SSBP2: variants seen among roughly 807,000 people sequenced by gnomAD.
SSBP2 encodes the protein single-stranded DNA-binding protein 2.
Under a neutral mutation model 61.8 loss-of-function variants are expected in SSBP2, and 17 were observed. The ratio of observed to expected loss-of-function variants is 0.28; its 90% confidence interval spans 0.19 to 0.41. SSBP2 has a LOEUF of 0.41. SSBP2 is among the 10% of genes least tolerant of loss of function. The pLI is 1.00. For synonymous variants in SSBP2, 139 were observed against 141.3 expected (o/e 0.98, Z 0.12); for missense variants, 310 against 458.7 (o/e 0.68, Z 2.96).
intron 4 of SSBP2, among the ~76,000 whole-genome samples, chr5:81,594,859 T>A (rs1743542456): frequency 6.6e-6 from 1 of 152,106 alleles, no homozygotes; most frequent in South Asian, 2.1e-4. Context: ...AGAGGGAAAT[T>A]TATAGCACTA....
At chr5:81,625,759 G>A (rs754604508) in intron 3 of SSBP2, among the ~76,000 whole-genome samples, 18 of 152,178 alleles carry the variant, frequency 1.2e-4, no homozygotes, top group Non-Finnish European at 2.9e-5. Flanking sequence ...AGGGAACACA[G>A]AAAGCAAAAT....
At chr5:81,481,149 CA>C (rs1765955779) in intron 6 of SSBP2, among the ~76,000 whole-genome samples, 2 of 152,292 alleles carry the variant, frequency 1.3e-5, no homozygotes, top group Admixed American at 6.5e-5. Context: ...GGGTCTGAAT[CA>C]GCTTCTTCCA....
intron 1 of SSBP2, among the ~76,000 whole-genome samples, chr5:81,735,600 T>G (rs1278571718): frequency 6.6e-6 from 1 of 152,234 alleles, no homozygotes; most frequent in African/African-American, 2.4e-5. Flanking sequence ...GATCAGTGAA[T>G]ATGCAACCAT....
intron 4 of SSBP2, among the ~76,000 whole-genome samples, chr5:81,599,275 A>C (rs924225420): frequency 1.3e-5 from 2 of 152,216 alleles, no homozygotes; most frequent in African/African-American, 4.8e-5. Context: ...GTCAATGGTG[A>C]ATCCAATTAT....
intron 16 of SSBP2, among the ~76,000 whole-genome samples, chr5:81,425,723 TA>T (rs921324797): frequency 3.0e-4 from 44 of 144,856 alleles, no homozygotes; most frequent in Admixed American, 4.1e-4. Flanking sequence ...GTTGTGATCT[TA>T]AAAAAAAAAA....
chr5:81,565,536 C>A (rs1773355775), intron 4 of SSBP2, among the ~76,000 whole-genome samples: 2 of 152,142 alleles, frequency 1.3e-5, no homozygotes, highest in African/African-American at 4.8e-5. Flanking sequence ...TTTCCCTATA[C>A]TATAGTAATA....
At position 81,746,262 on chromosome 5, in the gene SSBP2, G is replaced by A. The variant is rs568018664; in HGVS notation, c.62+4719C>T. Among the ~76,000 whole-genome samples the A allele has an allele frequency of 6.6e-5, 10 of 152,106 alleles. No homozygotes were observed. The South Asian group carries it at 2.1e-3, about 32-fold the overall frequency. ...AATAACAGAAAAAGATCAATCAAAA[G>A]CTAACATGACATTTCGGATACAAGT... On this transcript the variant is annotated intron_variant, in intron 1 of 16. Transcript: ENST00000320672.
chr5:81,679,064 C>CAAAG (rs987726739), intron 1 of SSBP2, among the ~76,000 whole-genome samples: 1 of 152,188 alleles, frequency 6.6e-6, no homozygotes, highest in Non-Finnish European at 1.5e-5. Flanking sequence ...GGCTGAAGTG[C>CAAAG]AAAGGCACAA....
Position 81,707,893 on chromosome 5 carries a change from T to C in SSBP2, c.62+43088A>G, listed in dbSNP as rs138110072. ...CAAAATATTAAGCAAATAGGAGATGTTATCACCAAAGATTTGCAATTTACT... is the reference window on the plus strand; with the variant it reads ...CAAAATATTAAGCAAATAGGAGATGCTATCACCAAAGATTTGCAATTTACT... On this transcript the variant is annotated intron_variant, in intron 1 of 16. Transcript: ENST00000320672. Among the ~76,000 whole-genome samples, 915 of 152,234 alleles carry C rather than the reference T, an allele frequency of 6.0e-3. 8 individuals carry two copies. The highest frequency in any genetic ancestry group is 0.027 in the South Asian group (132 of 4,828).
At chr5:81,633,818 T>G (rs1015965675) in intron 3 of SSBP2, among the ~76,000 whole-genome samples, 2 of 152,226 alleles carry the variant, frequency 1.3e-5, no homozygotes, top group African/African-American at 4.8e-5. Flanking sequence ...CAAGCTTATA[T>G]CCCTCAAATC....
chr5:81,724,784 C>T (rs1279988951), intron 1 of SSBP2, among the ~76,000 whole-genome samples: 2 of 152,038 alleles, frequency 1.3e-5, no homozygotes, highest in South Asian at 2.1e-4. Flanking sequence ...CATGTTGTGA[C>T]GTGATGATTT....
At chr5:81,615,675 ATATC>A (rs33951527) in intron 3 of SSBP2, 118 bp from the exon 4 acceptor site, 23,553 of 659,036 alleles carry the variant, frequency 0.036, 810 homozygotes, top group East Asian at 0.11. Context: ...TTCAGAACAG[ATATC>A]TATCTGAAAG....
chr5:81,510,333 A>G (rs1768498672), intron 5 of SSBP2, among the ~76,000 whole-genome samples: 1 of 152,242 alleles, frequency 6.6e-6, no homozygotes, highest in South Asian at 2.1e-4. Context: ...TGCCCAGATT[A>G]GAGCCAGAAA....
chr5:81,472,190 T>G (rs1044564277), intron 8 of SSBP2, among the ~76,000 whole-genome samples: 6 of 152,178 alleles, frequency 3.9e-5, no homozygotes, highest in African/African-American at 1.2e-4. Flanking sequence ...AGGTAGAAAT[T>G]TAAAATTCTG....
chr5:81,632,827 A>G (rs1322455628), intron 3 of SSBP2, among the ~76,000 whole-genome samples: 4 of 152,160 alleles, frequency 2.6e-5, no homozygotes, highest in Non-Finnish European at 5.9e-5. Context: ...TAGATGAACC[A>G]TTTTAAAGAG....
chr5:81,486,497 C>G (rs1377201775), intron 6 of SSBP2, among the ~76,000 whole-genome samples: 2 of 152,110 alleles, frequency 1.3e-5, no homozygotes, highest in Admixed American at 1.3e-4. Flanking sequence ...CACACTTATA[C>G]TAGAATTTCA....
In SSBP2 at chr5:81,417,034, G is replaced by A. The variant is rs1761336039; in HGVS notation, c.*3470C>T. On this transcript the variant is annotated 3_prime_UTR_variant, in exon 17 of 17. Transcript: ENST00000320672. Reference sequence around the variant, plus strand: ...CCACCACCATACCTGGCTAATTTTTGTATTTTTAGTAGAGATGGGGGGGTT... The same window carrying A: ...CCACCACCATACCTGGCTAATTTTTATATTTTTAGTAGAGATGGGGGGGTT... The A allele has an allele frequency of 6.6e-6, 1 of 152,160 alleles. No individual in the cohort carries two copies. The highest frequency in any genetic ancestry group is 2.4e-5 in the African/African-American group (1 of 41,468). The allele number at this position is 152,160 out of a possible 1,614,324, so 9.4% of individuals were successfully genotyped here.
intron 1 of SSBP2, among the ~76,000 whole-genome samples, chr5:81,696,256 C>T (rs934086813): frequency 6.6e-6 from 1 of 152,184 alleles, no homozygotes; most frequent in Non-Finnish European, 1.5e-5. Context: ...AAGGATTCTC[C>T]ACGCCCAGAA....
In SSBP2 at chr5:81,547,036, C is replaced by CAAAAAAAAAAAA. The variant is rs61254614; in HGVS notation, c.283-33331_283-33320dup. ...TTTATAGTAAAGGGCAAATCTTGGC[C>CAAAAAAAAAAAA]AAAAAAAAAAAAAAAAAAAAAGTCT... On this transcript the variant is annotated intron_variant, in intron 4 of 16. Transcript: ENST00000320672. Among the ~76,000 whole-genome samples the CAAAAAAAAAAAA allele has an allele frequency of 2.2e-4, 12 of 53,856 alleles. 1 individual carries two copies. Among genetic ancestry groups the CAAAAAAAAAAAA allele is most frequent in the African/African-American group, 1.5e-3 (11 of 7,370 alleles). 35.3% of individuals were successfully genotyped at this position (53,856 alleles called of 152,430 possible). A position where few individuals can be genotyped will look rare whatever the true frequency, so the allele number is the denominator to read the frequency against.
Sources: gnomAD v4.1 joint callset for allele counts (sites outside exome capture counted in the v4.1 genomes callset) on GRCh38, gnomAD v4.1.1 for gene constraint, MANE v1.5 for transcripts, NCBI Gene and HGNC (gene_info 2026-07-23, HGNC 2026-07-21) for gene names.